Variants in EHMT2 observed in about 807,000 individuals in gnomAD.
EHMT2 encodes euchromatic histone lysine methyltransferase 2.
Under a neutral mutation model 143.3 loss-of-function variants are expected in EHMT2, and 59 were observed. That is an observed-to-expected ratio of 0.41 (90% CI 0.33 to 0.51). The LOEUF is 0.51. EHMT2 is among the 20% of genes least tolerant of loss of function. EHMT2 has a pLI of 0.18. For missense variants in EHMT2, 1,174 were observed against 1,645.9 expected, an observed-to-expected ratio of 0.71 and a Z score of 4.96; for synonymous variants, 604 against 651.5, an observed-to-expected ratio of 0.93 and a Z score of 1.11.
In EHMT2 at chr6:31,880,563, G is replaced by A; in HGVS notation, c.3452+110C>T. 8.4e-7 allele frequency: 1 copy of A among 1,185,804 alleles called. No homozygotes were observed. The highest frequency in any genetic ancestry group is 1.2e-6 in the Non-Finnish European group (1 of 829,296). 73.5% of individuals were successfully genotyped at this position (1,185,804 alleles called of 1,614,324 possible). On this transcript the variant is annotated intron_variant, in intron 27 of 27. Transcript: ENST00000375537. The surrounding 1 kb of genome is among the most constrained non-coding windows in gnomAD (Gnocchi z 6.6). Reference sequence around the variant, plus strand: ...ACTTATGTACACTGAAATCTGAGAAGCTCTGCACTACTCCATGCCTGGACA... The same window carrying A: ...ACTTATGTACACTGAAATCTGAGAAACTCTGCACTACTCCATGCCTGGACA...
In EHMT2 at chr6:31,884,242, C is replaced by T; in HGVS notation, c.2771+150G>A. The stretch of plus-strand genomic sequence containing the variant: ...TATTTTTATTTGCTGTATCTGGCAA[C>T]CCTAGTGGGGAGGGGGCCTGTGGGT... On this transcript the variant is annotated intron_variant, in intron 21 of 27. Transcript: ENST00000375537. The surrounding 1 kb of genome is among the most constrained non-coding windows in gnomAD (Gnocchi z 7.3). 3 of 932,076 alleles carry T rather than the reference C, an allele frequency of 3.2e-6. No individual in the cohort carries two copies. The highest frequency in any genetic ancestry group is 5.2e-5 in the East Asian group (2 of 38,162). The allele number at this position is 932,076 out of a possible 1,614,324, so 57.7% of individuals were successfully genotyped here. A position where few individuals can be genotyped will look rare whatever the true frequency, so the allele number is the denominator to read the frequency against.
chr6:31,881,962 G>A lies in EHMT2; in HGVS notation c.3197+737C>T, dbSNP rs1244532096. On this transcript the variant is annotated intron_variant, in intron 25 of 27. Transcript: ENST00000375537. The surrounding 1 kb of genome is among the most constrained non-coding windows in gnomAD (Gnocchi z 4.8). ...CTACTAAAAATACAAAAAATTAGCC[G>A]GGTGTGGTGGTGCGCACCTGTAATC... is the stretch of plus-strand genomic sequence containing the variant. Among the ~76,000 whole-genome samples, 2 of 152,000 alleles carry A rather than the reference G, an allele frequency of 1.3e-5. No homozygotes were observed. Among genetic ancestry groups the A allele is most frequent in the Non-Finnish European group, 2.9e-5 (2 of 68,030 alleles).
intron 4 of EHMT2, chr6:31,893,426 TC>T: frequency 4.7e-6 from 2 of 427,818 alleles, no homozygotes; most frequent in Non-Finnish European, 9.4e-6. Context: ...CAAGCCATTC[TC>T]CTGCCTCAGC....
chr6:31,888,983 G>A lies in EHMT2; in HGVS notation c.1202C>T (p.Ser401Phe). 6.2e-7 allele frequency: 1 copy of A among 1,600,244 alleles called. No individual in the cohort carries two copies. The highest frequency in any genetic ancestry group is 8.5e-7 in the Non-Finnish European group (1 of 1,175,364). ...TTGGCAATTACCAGCGTGGTTGGGG[G>A]AGAGGGTCCCCTCGCTGGGCAGCTC... The change falls in exon 10 of 28, where the codon TCC becomes TTC. Residue 401 changes from serine (S) to phenylalanine (F), a missense_variant. By Grantham distance (155) the Ser-to-Phe change is radical (BLOSUM62 -2). Transcript: ENST00000375537. This position sits in a 1 kb window ranked among gnomAD's most constrained non-coding sequence, Gnocchi z 7.4.
chr6:31,882,716 C>G, exon 25 of EHMT2: 1 of 1,612,548 alleles, frequency 6.2e-7, no homozygotes, highest in Admixed American at 1.7e-5. Context: ...TGAAGGTCCC[C>G]TGTGGGATGG....
chr6:31,884,953 T>A lies in EHMT2; in HGVS notation c.2407A>T (p.Met803Leu). ...ACGTCGGCGCCCCGCGTCAGTAGCA[T>A]GCGGATCACCTCGATGTGCTTGTGC... The change falls in exon 19 of 28, where the codon ATG (methionine) becomes TTG (leucine). Residue 803 changes from methionine to leucine, a missense_variant. Met to Leu is a conservative substitution (Grantham distance 15, BLOSUM62 2). Coordinates refer to ENST00000375537, the Ensembl canonical transcript of EHMT2. The surrounding 1 kb of genome is among the most constrained non-coding windows in gnomAD (Gnocchi z 7.3). 2 of 1,610,974 alleles carry A rather than the reference T, an allele frequency of 1.2e-6. No individual in the cohort carries two copies. Among genetic ancestry groups the A allele is most frequent in the Non-Finnish European group, 1.7e-6 (2 of 1,177,792 alleles).
chr6:31,880,658 C>T lies in EHMT2; in HGVS notation c.3452+15G>A, dbSNP rs1763986438. The stretch of plus-strand genomic sequence containing the variant: ...CACCCCCTGGCAGAGCCCCTAGAGA[C>T]CCCTAGAGTCTCACCCTAGCTCCTC... On this transcript the variant is annotated intron_variant, in intron 27 of 27. Coordinates refer to ENST00000375537, the Ensembl canonical transcript of EHMT2. The surrounding 1 kb of genome is among the most constrained non-coding windows in gnomAD (Gnocchi z 6.6). 1 of 1,612,788 alleles carries T rather than the reference C, an allele frequency of 6.2e-7. No homozygotes were observed.
intron 4 of EHMT2, among the ~76,000 whole-genome samples, chr6:31,894,571 T>C (rs762880255): frequency 6.6e-6 from 1 of 152,064 alleles, no homozygotes; most frequent in Non-Finnish European, 1.5e-5. Flanking sequence ...CGTGAGCCAC[T>C]GCGCCTGGCC....
intron 7 of EHMT2, 58 bp downstream of exon 7, chr6:31,892,349 C>G: frequency 6.3e-7 from 1 of 1,580,842 alleles, no homozygotes; most frequent in Middle Eastern, 1.7e-4. Context: ...GAGGACTGGA[C>G]AGTGAGCCCC....
chr6:31,890,350 G>A (rs1486100345), intron 7 of EHMT2, among the ~76,000 whole-genome samples: 1 of 151,910 alleles, frequency 6.6e-6, no homozygotes, highest in African/African-American at 2.4e-5. Context: ...TCCACCTCCT[G>A]GATTCAAGCA....
Position 31,880,027 on chromosome 6 carries a change from AGAG to A in EHMT2, c.*54_*56del. On this transcript the variant is annotated 3_prime_UTR_variant, in exon 28 of 28. Transcript: ENST00000375537. The surrounding 1 kb of genome is among the most constrained non-coding windows in gnomAD (Gnocchi z 6.6). ...GCATGGGCTGCGAGCAGCTGGTGGC[AGAG>A]GAGGCGGCTGAGCTGTGGCCATCCA... 6.4e-7 allele frequency: 1 copy of A among 1,574,534 alleles called. No individual in the cohort carries two copies. The highest frequency in any genetic ancestry group is 8.7e-7 in the Non-Finnish European group (1 of 1,154,548).
chr6:31,892,425 G>A (rs1329769822), exon 7 of EHMT2: 6 of 1,612,946 alleles, frequency 3.7e-6, no homozygotes, highest in East Asian at 2.2e-5. Flanking sequence ...CGGAGTCCAC[G>A]CGCTCATCCA....
Position 31,888,324 on chromosome 6 carries a change from C to T in EHMT2, c.1509+39G>A, listed in dbSNP as rs1765173531. On this transcript the variant is annotated intron_variant, in intron 12 of 27. Coordinates refer to ENST00000375537, the Ensembl canonical transcript of EHMT2. This position sits in a 1 kb window ranked among gnomAD's most constrained non-coding sequence, Gnocchi z 7.4. ...GTCAGGTTACTGGGGCCCCCTCTGC[C>T]ACAGGGCATGCTACCTGTCTGCCCC... 6.2e-7 allele frequency: 1 copy of T among 1,611,654 alleles called. No individual in the cohort carries two copies.
rs1250789027 is a variant in EHMT2 at position 31,886,576 on chromosome 6, C to T, written c.2343+5G>A. 1.9e-6 allele frequency: 3 copies of T among 1,609,742 alleles called. No individual in the cohort carries two copies. The Admixed American group carries it at 5.0e-5, about 27-fold the overall frequency. ...CAGAGGGGCTGGGCTGGGTGGGCCG[C>T]TGACCTGGGCGTTGACGTCCACCTG... On this transcript the variant is annotated splice_donor_5th_base_variant and intron_variant, in intron 18 of 27. Coordinates refer to ENST00000375537, the Ensembl canonical transcript of EHMT2.
chr6:31,894,545 G>C (rs3130680), intron 4 of EHMT2, among the ~76,000 whole-genome samples: 1 of 152,068 alleles, frequency 6.6e-6, no homozygotes, highest in Non-Finnish European at 1.5e-5. Context: ...GGCCTCCAAA[G>C]TGCTGAGATT....
intron 1 of EHMT2, 113 bp downstream of exon 1, chr6:31,897,523 A>C: frequency 1.2e-6 from 1 of 812,292 alleles, no homozygotes; most frequent in Non-Finnish European, 1.5e-6. Context: ...GATTGCTGCA[A>C]GTCCCGCCCG....
rs1172182779 is a variant in EHMT2, at chr6:31,889,370, G to A, written c.1000-28C>T. 1 of 1,610,408 alleles carries A rather than the reference G, an allele frequency of 6.2e-7. No individual in the cohort carries two copies. Among genetic ancestry groups the A allele is most frequent in the Non-Finnish European group, 8.5e-7 (1 of 1,179,276 alleles). On this transcript the variant is annotated intron_variant, in intron 8 of 27. Transcript: ENST00000375537. This position sits in a 1 kb window ranked among gnomAD's most constrained non-coding sequence, Gnocchi z 5.1. ...GGGAAGGGGGAGGAGGAGGAGTTAG[G>A]AACCCTCACCCCCAGGGGCCCCCCC...
rs1391666900 is a variant in EHMT2, at chr6:31,883,830, G to A, written c.2892C>T (p.Ile964=). 6.2e-7 allele frequency: 1 copy of A among 1,613,980 alleles called. No homozygotes were observed. Among genetic ancestry groups the A allele is most frequent in the South Asian group, 1.1e-5 (1 of 91,064 alleles). ...CCTGCAGGTGGGTGATGTTGCGATC[G>A]ATGTTCATGGTGGACGTCTCGCAGT... Residue 964 remains isoleucine, a synonymous_variant, in exon 22 of 28, where the codon ATC becomes ATT. Transcript: ENST00000375537. This position sits in a 1 kb window ranked among gnomAD's most constrained non-coding sequence, Gnocchi z 5.6.
exon 3 of EHMT2, chr6:31,896,698 G>A: frequency 2.5e-6 from 4 of 1,611,810 alleles, no homozygotes; most frequent in Non-Finnish European, 3.4e-6. Flanking sequence ...AGGGGTGTCA[G>A]CCCCCTCATC....
Sources: allele counts gnomAD v4.1 joint callset (sites outside exome capture counted in the v4.1 genomes callset), GRCh38; gene constraint gnomAD v4.1.1; non-coding constraint Gnocchi (gnomAD v3.1); transcripts MANE v1.5; gene names NCBI Gene and HGNC (gene_info 2026-07-23, HGNC 2026-07-21).